The following DNAH1 variants were observed in gnomAD, a reference collection of about 807,000 sequenced individuals.
DNAH1 encodes the protein axonemal beta dynein heavy chain 1.
A neutral mutation model predicts 484.3 loss-of-function variants in DNAH1; 327 were observed. The ratio of observed to expected loss-of-function variants is 0.68; its 90% confidence interval spans 0.62 to 0.74. DNAH1 has a LOEUF of 0.74. Ranked by LOEUF, DNAH1 falls within the 30% of genes least tolerant of loss-of-function variation. DNAH1 has a pLI of 0.00. For missense variants in DNAH1, 5,052 were observed against 5,546.8 expected, an observed-to-expected ratio of 0.91 and a Z score of 2.83; for synonymous variants, 2,192 against 2,191.9, an observed-to-expected ratio of 1.00 and a Z score of 0.00.
At chr3:52,342,122 G>A (rs1377287375) in intron 8 of DNAH1, among the ~76,000 whole-genome samples, 1 of 152,250 alleles carries the variant, frequency 6.6e-6, no homozygotes, top group Non-Finnish European at 1.5e-5. Context: ...AAGGGAAGAA[G>A]AGGATTCTGG....
chr3:52,352,346 C>T (rs753917039), intron 17 of DNAH1, among the ~76,000 whole-genome samples: 15 of 152,220 alleles, frequency 9.9e-5, no homozygotes, highest in Admixed American at 2.0e-4. Context: ...GTGTCCTTGG[C>T]GGCCTACTGG....
In DNAH1 at chr3:52,346,599, A is replaced by G. The variant is rs758243057; in HGVS notation, c.1784A>G (p.Lys595Arg). 2.6e-5 allele frequency: 42 copies of G among 1,613,934 alleles called. No homozygotes were observed. The highest frequency in any genetic ancestry group is 1.6e-4 in the Middle Eastern group (1 of 6,084). The stretch of plus-strand genomic sequence containing the variant: ...AACTGGGAGGTGTACCTCATGTCCA[A>G]GCTGCGCAAGCTGATGGAGCTGGTG... Reference protein sequence around the residue: ...ETNWEVYLMSKLRKLMELVKY... With the variant: ...ETNWEVYLMSRLRKLMELVKY... The change falls in exon 11 of 78, where the codon AAG (lysine) becomes AGG (arginine). Residue 595 changes from lysine (K) to arginine (R), a missense_variant. Physicochemically the swap from Lys to Arg is conservative, Grantham distance 26 (BLOSUM62 2). This residue lies in a region of DNAH1 where 1,263 missense variants were observed against 1,218.8 expected (regional missense o/e 1.04). Coordinates refer to ENST00000420323, the MANE Select transcript of DNAH1 (RefSeq NM_015512.5).
intron 34 of DNAH1, among the ~76,000 whole-genome samples, chr3:52,365,990 A>G (rs919648134): frequency 2.0e-5 from 3 of 152,162 alleles, no homozygotes; most frequent in Non-Finnish European, 4.4e-5. Flanking sequence ...TCTTGGGCCA[A>G]AGTGAGGCAT....
chr3:52,396,833 G>A lies in DNAH1; in HGVS notation c.11611-35G>A. The A allele has an allele frequency of 1.9e-6, 3 of 1,612,232 alleles. No individual in the cohort carries two copies. The South Asian group carries it at 3.3e-5, about 18-fold the overall frequency. On this transcript the variant is annotated intron_variant, in intron 72 of 77. Transcript: ENST00000420323. ...GGCAGACTGGGGCCTGGGGGACTGG[G>A]CACTTAGGGGAGCCCTCACCCACCC...
At chr3:52,333,985 C>T (rs1701648719) in intron 8 of DNAH1, among the ~76,000 whole-genome samples, 1 of 152,094 alleles carries the variant, frequency 6.6e-6, no homozygotes, top group South Asian at 2.1e-4. Context: ...GAATGTAGCC[C>T]CACTGTAAGT....
intron 56 of DNAH1, among the ~76,000 whole-genome samples, chr3:52,387,538 C>T (rs1296956492): frequency 1.3e-5 from 2 of 152,202 alleles, no homozygotes; most frequent in East Asian, 3.8e-4. Context: ...ATCTGGACCC[C>T]TTATGGGCTA....
At chr3:52,366,952 G>C in intron 36 of DNAH1, 65 bp downstream of exon 36, 1 of 1,544,016 alleles carries the variant, frequency 6.5e-7, no homozygotes, top group Non-Finnish European at 8.8e-7. Context: ...TGTGGGCTGC[G>C]GTCACCCCTC....
chr3:52,314,493 C>A (rs1187746758), upstream of DNAH1, among the ~76,000 whole-genome samples: 1 of 152,214 alleles, frequency 6.6e-6, no homozygotes, highest in Non-Finnish European at 1.5e-5. Context: ...CAGCCACTAT[C>A]TTTGAGGTGA....
In DNAH1 at chr3:52,350,693, A is replaced by G. The variant is rs966402157; in HGVS notation, c.2729+103A>G. ...TGCCCCAGCTGCCACAGTCTGTGCA[A>G]TCTCCCCAGAAACACCCCACTGAGA... On this transcript the variant is annotated intron_variant, in intron 16 of 77. Transcript: ENST00000420323. 5 of 1,086,834 alleles carry G rather than the reference A, an allele frequency of 4.6e-6. No homozygotes were observed. The African/African-American group carries it at 6.3e-5, about 14-fold the overall frequency. The allele number at this position is 1,086,834 out of a possible 1,614,324, so 67.3% of individuals were successfully genotyped here.
chr3:52,346,959 C>A (rs1702169885), intron 11 of DNAH1, among the ~76,000 whole-genome samples, 189 bp downstream of exon 11: 1 of 152,072 alleles, frequency 6.6e-6, no homozygotes, highest in South Asian at 2.1e-4. Flanking sequence ...CTTCTGGTGA[C>A]CTTCATTCAC....
Position 52,395,159 on chromosome 3 carries a change from G to C in DNAH1, c.10968+100G>C. The C allele has an allele frequency of 6.6e-7, 1 of 1,507,898 alleles. No homozygotes were observed. The highest frequency in any genetic ancestry group is 1.3e-5 in the South Asian group (1 of 77,010). The allele number at this position is 1,507,898 out of a possible 1,614,324, so 93.4% of individuals were successfully genotyped here. ...CTGGATAGACTACTTGGCCAGGCCA[G>C]GACCCCTGCTTGCTCCCTAAAGGCT... On this transcript the variant is annotated intron_variant, in intron 68 of 77. Coordinates refer to ENST00000420323, the MANE Select transcript of DNAH1 (RefSeq NM_015512.5). This position sits in a 1 kb window ranked among gnomAD's most constrained non-coding sequence, Gnocchi z 4.4.
Position 52,360,427 on chromosome 3 carries a change from A to G in DNAH1, c.4685+3A>G, listed in dbSNP as rs1038335309. The stretch of plus-strand genomic sequence containing the variant: ...GTGATCACGCCCCTCACCGACAGGT[A>G]AGCGTTCCCCTCTTGCTCCTTCCCA... On this transcript the variant is annotated splice_donor_region_variant and intron_variant, in intron 28 of 77. Coordinates refer to ENST00000420323, the MANE Select transcript of DNAH1 (RefSeq NM_015512.5). 1 of 1,611,736 alleles carries G rather than the reference A, an allele frequency of 6.2e-7. No homozygotes were observed. The highest frequency in any genetic ancestry group is 1.1e-5 in the South Asian group (1 of 90,968).
At chr3:52,350,446 G>A (rs2153223960) in intron 15 of DNAH1, 62 bp from the exon 16 acceptor site, 1 of 1,512,910 alleles carries the variant, frequency 6.6e-7, no homozygotes, top group Admixed American at 1.8e-5. Flanking sequence ...GGGGAGCCAG[G>A]TTCCGATTAC....
At chr3:52,322,931 C>T (rs544772961) in intron 2 of DNAH1, among the ~76,000 whole-genome samples, 156 bp downstream of exon 2, 82 of 152,314 alleles carry the variant, frequency 5.4e-4, no homozygotes, top group African/African-American at 1.9e-3. Flanking sequence ...CCCCTATTAT[C>T]CCCTCATCCA....
rs201173405 is a variant in DNAH1 at position 52,326,844 on chromosome 3, A to G, written c.691A>G (p.Ile231Val). Reference sequence around the variant, plus strand: ...CCTGGACCACCAGCACCCCCAAACCATCGAACAGGGCCATGACCCAATCTT... The same window carrying G: ...CCTGGACCACCAGCACCCCCAAACCGTCGAACAGGGCCATGACCCAATCTT... ...RHLDHQHPQT[I>V]EQGHDPIFPI... Residue 231 changes from isoleucine to valine, a missense_variant, in exon 5 of 78, where the codon ATC becomes GTC. Physicochemically the swap from Ile to Val is conservative, Grantham distance 29. Coordinates refer to ENST00000420323, the MANE Select transcript of DNAH1 (RefSeq NM_015512.5). 4.2e-5 allele frequency: 67 copies of G among 1,613,452 alleles called. No homozygotes were observed. In the African/African-American group the frequency reaches 6.9e-4, roughly 17 times the overall value.
In DNAH1 at chr3:52,332,124, C is replaced by T. The variant is rs1306808231; in HGVS notation, c.1034-18C>T. The T allele has an allele frequency of 6.5e-7, 1 of 1,545,666 alleles. No individual in the cohort carries two copies. Among genetic ancestry groups the T allele is most frequent in the African/African-American group, 1.4e-5 (1 of 73,014 alleles). Reference sequence around the variant, plus strand: ...AGCCTGATTGTGTGTCCCCTTCTCCCTCTCACCCGGCCCCCAGGAAGGCCA... The same window carrying T: ...AGCCTGATTGTGTGTCCCCTTCTCCTTCTCACCCGGCCCCCAGGAAGGCCA... On this transcript the variant is annotated intron_variant, in intron 7 of 77. Coordinates refer to ENST00000420323, the MANE Select transcript of DNAH1 (RefSeq NM_015512.5).
In DNAH1 at chr3:52,355,131, C is replaced by G; in HGVS notation, c.3693+76C>G. On this transcript the variant is annotated intron_variant, in intron 21 of 77. Transcript: ENST00000420323. This position sits in a 1 kb window ranked among gnomAD's most constrained non-coding sequence, Gnocchi z 4.5. ...CCGACCCACAGGTGTCACTGATGGT[C>G]TCCGGGTGGGGTTCAAAGCATCGCA... 6.9e-7 allele frequency: 1 copy of G among 1,453,226 alleles called. No individual in the cohort carries two copies. Among genetic ancestry groups the G allele is most frequent in the South Asian group, 1.2e-5 (1 of 86,544 alleles). 90.0% of individuals were successfully genotyped at this position (1,453,226 alleles called of 1,614,324 possible). A position where few individuals can be genotyped will look rare whatever the true frequency, so the allele number is the denominator to read the frequency against.
chr3:52,378,176 G>A (rs1420659476), intron 46 of DNAH1, among the ~76,000 whole-genome samples: 1 of 151,972 alleles, frequency 6.6e-6, no homozygotes, highest in Non-Finnish European at 1.5e-5. Context: ...CTCAAGGTCG[G>A]GGGTGTGCTC....
At chr3:52,392,723 G>C in intron 64 of DNAH1, 34 bp downstream of exon 64, 4 of 1,575,068 alleles carry the variant, frequency 2.5e-6, no homozygotes, top group Non-Finnish European at 3.4e-6. Flanking sequence ...CCTGCCCCGG[G>C]AGTGCCCCGG....
Sources: gnomAD v4.1 joint callset for allele counts (sites outside exome capture counted in the v4.1 genomes callset) on GRCh38, gnomAD v4.1.1 for gene constraint, gnomAD v4.1.1 regional missense constraint, Gnocchi (gnomAD v3.1) non-coding constraint, MANE v1.5 for transcripts, NCBI Gene and HGNC (gene_info 2026-07-23, HGNC 2026-07-21) for gene names.